Variants in CEP120 observed in about 807,000 individuals in gnomAD.
CEP120 encodes the protein centrosomal protein of 120 kDa.
A neutral mutation model predicts 126.5 loss-of-function variants in CEP120; 113 were observed. The observed-to-expected ratio is 0.89, with a 90% CI of 0.77 to 1.04. The LOEUF (loss-of-function observed/expected upper bound fraction) is 1.04, where lower values mean the gene tolerates loss of function less well. Ranked by LOEUF, CEP120 falls within the 50% of genes least tolerant of loss-of-function variation. The pLI, the probability that CEP120 is intolerant of heterozygous loss-of-function variation, is 0.00. For synonymous variants in CEP120, 400 were observed against 394.3 expected (o/e 1.01, Z -0.17); for missense variants, 1,230 against 1,155.7 (o/e 1.06, Z -0.93).
intron 4 of CEP120, among the ~76,000 whole-genome samples, chr5:123,406,754 A>G (rs1201440979): frequency 1.3e-5 from 2 of 148,794 alleles, no homozygotes; most frequent in African/African-American, 2.5e-5. Context: ...GAAAAATGGC[A>G]TGGGTAAGAA....
chr5:123,411,517 G>A (rs1483995946), intron 4 of CEP120, among the ~76,000 whole-genome samples: 1 of 152,164 alleles, frequency 6.6e-6, no homozygotes, highest in Non-Finnish European at 1.5e-5. Context: ...CAAAAGAAAT[G>A]AGCTATCAAG....
In CEP120 at chr5:123,391,265, T is replaced by C. The variant is rs376472074; in HGVS notation, c.883A>G (p.Ser295Gly). ...ACTGGGTGCTGGTTGATTTCTGTAC[T>C]GCCCTTTTTAAGTAATCCAGTTAAA... ...IPLTGLLKKG[S>G]TEINQHPVTV... is the part of the protein sequence containing the mutation. Residue 295 changes from serine (S) to glycine (G), a missense_variant, in exon 7 of 20, where the codon AGT becomes GGT. Physicochemically the swap from Ser to Gly is moderately conservative, Grantham distance 56. Transcript: ENST00000306467. 22 of 1,614,116 alleles carry C rather than the reference T, an allele frequency of 1.4e-5. No homozygotes were observed. The highest frequency in any genetic ancestry group is 1.9e-5 in the Non-Finnish European group (22 of 1,180,036).
At chr5:123,363,713 A>G (rs1248046273) in intron 18 of CEP120, among the ~76,000 whole-genome samples, 1 of 151,482 alleles carries the variant, frequency 6.6e-6, no homozygotes, top group African/African-American at 2.4e-5. Context: ...ATAATACCAT[A>G]ACGATGTTTA....
chr5:123,350,094 A>C lies in CEP120; in HGVS notation c.2581-5T>G. On this transcript the variant is annotated splice_polypyrimidine_tract_variant and splice_region_variant and intron_variant, in intron 18 of 19. Coordinates refer to ENST00000306467, the MANE Select transcript of CEP120 (RefSeq NM_001375405.1). ...CATTTGACTTTCTTGCTCCCTCTTG[A>C]AAGAAACAAAGAAACAAGTCATATC... 1 of 1,601,142 alleles carries C rather than the reference A, an allele frequency of 6.2e-7. No individual in the cohort carries two copies. The highest frequency in any genetic ancestry group is 1.1e-5 in the South Asian group (1 of 88,448).
At chr5:123,355,729 G>T (rs1190395028) in intron 18 of CEP120, among the ~76,000 whole-genome samples, 31 of 150,512 alleles carry the variant, frequency 2.1e-4, no homozygotes, top group Admixed American at 4.0e-4. Context: ...CCATTCTGTA[G>T]GTTGCCTGTT....
chr5:123,398,035 G>C (rs1370872736), intron 5 of CEP120, among the ~76,000 whole-genome samples: 1 of 152,184 alleles, frequency 6.6e-6, no homozygotes, highest in Non-Finnish European at 1.5e-5. Flanking sequence ...AGTGAGCTAT[G>C]ATCATGCCAA....
At chr5:123,383,593 C>T (rs1042226639) in intron 11 of CEP120, among the ~76,000 whole-genome samples, 2 of 151,976 alleles carry the variant, frequency 1.3e-5, no homozygotes, top group African/African-American at 4.8e-5. Context: ...AATTCCCCTA[C>T]TCTTGATTAT....
chr5:123,354,518 C>T (rs1438634343), intron 18 of CEP120, among the ~76,000 whole-genome samples: 1 of 151,920 alleles, frequency 6.6e-6, no homozygotes, highest in Non-Finnish European at 1.5e-5. Flanking sequence ...ATAGATTTAC[C>T]TATTTCTCTT....
intron 5 of CEP120, among the ~76,000 whole-genome samples, chr5:123,397,273 G>A (rs1772850528): frequency 1.3e-5 from 2 of 152,164 alleles, no homozygotes; most frequent in Non-Finnish European, 2.9e-5. Context: ...GTAGTGAGCT[G>A]AGATTGCACC....
intron 6 of CEP120, 42 bp downstream of exon 6, chr5:123,393,258 A>G: frequency 1.3e-6 from 2 of 1,584,422 alleles, no homozygotes; most frequent in East Asian, 2.2e-5. Context: ...TTAATGCTTA[A>G]AAGACCACCT....
At chr5:123,401,273 C>A in intron 4 of CEP120, 2 of 1,609,476 alleles carry the variant, frequency 1.2e-6, no homozygotes, top group Non-Finnish European at 1.7e-6. Flanking sequence ...GCAGGGCGGC[C>A]TCCAGCTCGA....
At chr5:123,377,125 T>C (rs1010713196) in intron 16 of CEP120, among the ~76,000 whole-genome samples, 21 of 152,262 alleles carry the variant, frequency 1.4e-4, no homozygotes, top group Middle Eastern at 3.4e-3. Context: ...GAAGAATATC[T>C]ATATTTGCTT....
In CEP120 at chr5:123,389,917, AC is replaced by A. The variant is rs774732019; in HGVS notation, c.1255+6del. ...AAGATCTATAAACAAACAACAAAAAACCTTACCTTTTGGATTTGGTTTGGTG... is the reference window on the plus strand; with the variant it reads ...AAGATCTATAAACAAACAACAAAAAACTTACCTTTTGGATTTGGTTTGGTG... On this transcript the variant is annotated splice_donor_region_variant and intron_variant, in intron 8 of 19. Transcript: ENST00000306467. The A allele has an allele frequency of 6.2e-6, 10 of 1,610,170 alleles. No individual in the cohort carries two copies. The African/African-American group carries it at 1.3e-4, about 22-fold the overall frequency.
chr5:123,413,968 CA>C (rs1774231874), intron 3 of CEP120, among the ~76,000 whole-genome samples: 1 of 152,122 alleles, frequency 6.6e-6, no homozygotes, highest in Admixed American at 6.5e-5. Flanking sequence ...TTTTGAACTT[CA>C]AATATTGTAC....
intron 15 of CEP120, 115 bp downstream of exon 15, chr5:123,378,221 C>T (rs1771375727): frequency 4.6e-6 from 3 of 658,104 alleles, no homozygotes; most frequent in Non-Finnish European, 5.1e-6. Flanking sequence ...ATAAGCAGCC[C>T]ATCCTGAGTC....
At chr5:123,394,148 G>C (rs903618409) in intron 5 of CEP120, among the ~76,000 whole-genome samples, 1 of 152,114 alleles carries the variant, frequency 6.6e-6, no homozygotes. Context: ...TAAACAATAA[G>C]CTATAAACAT....
rs1226504314 is a variant in CEP120, at chr5:123,406,417, G to A, written c.463+5982C>T. Among the ~76,000 whole-genome samples, 3 of 149,476 alleles carry A rather than the reference G, an allele frequency of 2.0e-5. No homozygotes were observed. The South Asian group carries it at 6.3e-4, about 31-fold the overall frequency. ...CCAAAAAAAAAAAAACTTGCTGCTA[G>A]GCATCCCATATTAAAACATCAGAAA... On this transcript the variant is annotated intron_variant, in intron 4 of 19. Transcript: ENST00000306467.
intron 4 of CEP120, among the ~76,000 whole-genome samples, chr5:123,399,807 G>T (rs1773056299): frequency 6.6e-6 from 1 of 152,180 alleles, no homozygotes; most frequent in African/African-American, 2.4e-5. Context: ...CAGTCCTTCT[G>T]TATGCTATCC....
intron 16 of CEP120, among the ~76,000 whole-genome samples, chr5:123,373,615 C>T (rs577732676): frequency 3.9e-4 from 59 of 152,212 alleles, no homozygotes; most frequent in South Asian, 1.2e-3. Context: ...AAGGCCTACA[C>T]AGGATTCTGG....
Sources: allele counts gnomAD v4.1 joint callset (sites outside exome capture counted in the v4.1 genomes callset), GRCh38; gene constraint gnomAD v4.1.1; transcripts MANE v1.5; gene names NCBI Gene and HGNC (gene_info 2026-07-23, HGNC 2026-07-21).